The following PAXIP1 variants were observed in gnomAD, a reference collection of about 807,000 sequenced individuals.
PAXIP1 encodes PAX-interacting protein 1.
A neutral mutation model predicts 140.6 loss-of-function variants in PAXIP1; 19 were observed. The observed-to-expected ratio is 0.14, with a 90% CI of 0.09 to 0.20. The LOEUF is 0.20. PAXIP1 is among the 10% of genes least tolerant of loss of function. PAXIP1 has a pLI of 1.00. For synonymous variants in PAXIP1, 442 were observed against 444.6 expected, an observed-to-expected ratio of 0.99 and a Z score of 0.07; for missense variants, 920 against 1,208.6, an observed-to-expected ratio of 0.76 and a Z score of 3.54.
chr7:154,998,463 G>A (rs1354636822), intron 2 of PAXIP1, among the ~76,000 whole-genome samples, 187 bp downstream of exon 2: 6 of 152,122 alleles, frequency 3.9e-5, no homozygotes, highest in South Asian at 2.1e-4. Flanking sequence ...AGCTGAGATC[G>A]TGCCATTGCA....
At chr7:154,984,812 T>C (rs1001219605) in intron 4 of PAXIP1, among the ~76,000 whole-genome samples, 3 of 152,220 alleles carry the variant, frequency 2.0e-5, no homozygotes, top group African/African-American at 4.8e-5. Context: ...AATCTAGATA[T>C]GCCTTTATTA....
chr7:154,996,808 A>G (rs1295058371), intron 2 of PAXIP1, among the ~76,000 whole-genome samples: 1 of 152,172 alleles, frequency 6.6e-6, no homozygotes, highest in Non-Finnish European at 1.5e-5. Context: ...ATTTCTGGAT[A>G]ATAAGGGGAG....
intron 16 of PAXIP1, among the ~76,000 whole-genome samples, chr7:154,952,823 G>A (rs1157140916): frequency 6.6e-6 from 1 of 152,140 alleles, no homozygotes; most frequent in Admixed American, 6.5e-5. Flanking sequence ...TCATAGTTGA[G>A]GATTTAGTCT....
Position 154,963,774 on chromosome 7 carries a change from C to G in PAXIP1, c.1894-8G>C. 6.2e-7 allele frequency: 1 copy of G among 1,602,992 alleles called. No individual in the cohort carries two copies. Among genetic ancestry groups the G allele is most frequent in the South Asian group, 1.1e-5 (1 of 90,168 alleles). On this transcript the variant is annotated splice_region_variant and splice_polypyrimidine_tract_variant and intron_variant, in intron 8 of 20. Transcript: ENST00000404141. The surrounding 1 kb of genome is among the most constrained non-coding windows in gnomAD (Gnocchi z 4.1). Reference sequence around the variant, plus strand: ...GCCATGTGCCTGGATTATCTACACACAAAGACCCGACCAATGCAGTCATCA... The same window carrying G: ...GCCATGTGCCTGGATTATCTACACAGAAAGACCCGACCAATGCAGTCATCA...
chr7:154,968,004 T>C, intron 7 of PAXIP1, 94 bp from the exon 8 acceptor site: 1 of 752,572 alleles, frequency 1.3e-6, no homozygotes, highest in Non-Finnish European at 2.2e-6. Context: ...GTCAATCTGT[T>C]ATGTTTATCA....
intron 5 of PAXIP1, among the ~76,000 whole-genome samples, 168 bp from the exon 6 acceptor site, chr7:154,976,499 T>C (rs73728522): frequency 0.024 from 3,594 of 152,302 alleles, 140 homozygotes; most frequent in African/African-American, 0.082. Context: ...ACAGAGGACA[T>C]GAGGCAAAAG....
In PAXIP1 at chr7:154,963,842, C is replaced by T; in HGVS notation, c.1894-76G>A. On this transcript the variant is annotated intron_variant, in intron 8 of 20. Transcript: ENST00000404141. The surrounding 1 kb of genome is among the most constrained non-coding windows in gnomAD (Gnocchi z 4.1). ...AGAATTCCAATTTCAAATAAGGCAG[C>T]TATTAAAAGACTCTATCATATATTT... 1 of 918,684 alleles carries T rather than the reference C, an allele frequency of 1.1e-6. No individual in the cohort carries two copies. Among genetic ancestry groups the T allele is most frequent in the Admixed American group, 2.0e-5 (1 of 50,458 alleles). 56.9% of individuals were successfully genotyped at this position (918,684 alleles called of 1,614,324 possible). A position where few individuals can be genotyped will look rare whatever the true frequency, so the allele number is the denominator to read the frequency against.
Position 154,977,944 on chromosome 7 carries a change from G to A in PAXIP1, c.439-1613C>T, listed in dbSNP as rs181125078. Among the ~76,000 whole-genome samples, 257 of 122,942 alleles carry A rather than the reference G, an allele frequency of 2.1e-3. 3 individuals are homozygous for A. Among genetic ancestry groups the A allele is most frequent in the African/African-American group, 6.9e-3 (228 of 33,030 alleles). 80.7% of individuals were successfully genotyped at this position (122,942 alleles called of 152,430 possible). ...ACCAAACTTTTTAATGTACATTTTC[G>A]AACGCAGACCAAACTTTTTAATGTA... On this transcript the variant is annotated intron_variant, in intron 5 of 20. Coordinates refer to ENST00000404141, the MANE Select transcript of PAXIP1 (RefSeq NM_007349.4).
At chr7:154,984,999 G>C (rs918798136) in intron 4 of PAXIP1, among the ~76,000 whole-genome samples, 2 of 152,076 alleles carry the variant, frequency 1.3e-5, no homozygotes, top group Admixed American at 6.5e-5. Context: ...TTAATACGAC[G>C]CCTCCAATAA....
chr7:154,953,552 G>A (rs1808375250), intron 16 of PAXIP1, among the ~76,000 whole-genome samples: 1 of 152,100 alleles, frequency 6.6e-6, no homozygotes, highest in Non-Finnish European at 1.5e-5. Context: ...AAGCTGAGAG[G>A]TGCCTGACCT....
At chr7:154,999,272 AC>A (rs1810778969) in intron 1 of PAXIP1, among the ~76,000 whole-genome samples, 1 of 152,242 alleles carries the variant, frequency 6.6e-6, no homozygotes, top group African/African-American at 2.4e-5. Flanking sequence ...TGTTGAAGGC[AC>A]TGAACAGGTG....
chr7:154,955,132 CT>C (rs1808448960), intron 15 of PAXIP1, among the ~76,000 whole-genome samples: 1 of 152,112 alleles, frequency 6.6e-6, no homozygotes, highest in Non-Finnish European at 1.5e-5. Flanking sequence ...ACACAAACTC[CT>C]TTTTGGCCTC....
Position 154,991,080 on chromosome 7 carries a change from G to C in PAXIP1, c.261-11C>G, listed in dbSNP as rs1402046045. On this transcript the variant is annotated splice_polypyrimidine_tract_variant and intron_variant, in intron 3 of 20. Transcript: ENST00000404141. ...GAAAAACCATTTACTCTGTTTTATA[G>C]TTATTAAGATTACAATGAAATAAGA... The C allele has an allele frequency of 1.4e-6, 2 of 1,430,132 alleles. No individual in the cohort carries two copies. The highest frequency in any genetic ancestry group is 1.9e-6 in the Non-Finnish European group (2 of 1,050,512). The allele number at this position is 1,430,132 out of a possible 1,614,324, so 88.6% of individuals were successfully genotyped here.
intron 1 of PAXIP1, chr7:155,000,168 T>A (rs1429795229): frequency 2.0e-5 from 3 of 151,984 alleles, no homozygotes; most frequent in Non-Finnish European, 4.4e-5. Flanking sequence ...CAAAAAAAAA[T>A]AAAGTCACCC....
chr7:154,971,588 C>T (rs1379679161), intron 6 of PAXIP1, among the ~76,000 whole-genome samples: 4 of 152,164 alleles, frequency 2.6e-5, no homozygotes, highest in African/African-American at 4.8e-5. Context: ...TCCTGGAGAA[C>T]GTAAGAAAAA....
chr7:154,958,669 G>A (rs11760897), intron 13 of PAXIP1, among the ~76,000 whole-genome samples: 34,566 of 152,080 alleles, frequency 0.23, 4,660 homozygotes, highest in Admixed American at 0.34. Flanking sequence ...CAAATGGTGG[G>A]ATAGGCAAAA....
In PAXIP1 at chr7:154,993,745, G is replaced by T; in HGVS notation, c.241C>A (p.Gln81Lys). ...GGATACGGCAGAAGAGTTCCACACT[G>T]AACGGACAGAATCACCCAAGAAGGC... Reference protein sequence around the residue: ...VKPSWVILSVQCGTLLPVNGF... With the variant: ...VKPSWVILSVKCGTLLPVNGF... Residue 81 changes from glutamine to lysine, a missense_variant, in exon 3 of 21, where the codon CAG becomes AAG. By Grantham distance (53) the Gln-to-Lys change is moderately conservative. This residue lies in a region of PAXIP1 where 419 missense variants were observed against 514.7 expected (regional missense o/e 0.81). Transcript: ENST00000404141. 2 of 1,592,252 alleles carry T rather than the reference G, an allele frequency of 1.3e-6. No homozygotes were observed. Among genetic ancestry groups the T allele is most frequent in the South Asian group, 1.1e-5 (1 of 86,990 alleles).
chr7:154,990,341 G>A (rs1490368357), intron 4 of PAXIP1, among the ~76,000 whole-genome samples: 6 of 152,026 alleles, frequency 3.9e-5, no homozygotes, highest in African/African-American at 1.4e-4. Flanking sequence ...ATGCCCGGCC[G>A]ACTTGGGATA....
chr7:154,946,993 A>G lies in PAXIP1; in HGVS notation c.2923-180T>C. ...GTGGAAGAGGAATCCAGCTATGTAAATTTGGAATGTAAGCATTTTCACATG... is the reference window on the plus strand; with the variant it reads ...GTGGAAGAGGAATCCAGCTATGTAAGTTTGGAATGTAAGCATTTTCACATG... On this transcript the variant is annotated intron_variant, in intron 17 of 20. Transcript: ENST00000404141. This position sits in a 1 kb window ranked among gnomAD's most constrained non-coding sequence, Gnocchi z 4.9. The G allele has an allele frequency of 3.9e-6, 2 of 507,610 alleles. No individual in the cohort carries two copies. The highest frequency in any genetic ancestry group is 3.1e-5 in the South Asian group (1 of 32,476). 31.4% of individuals were successfully genotyped at this position (507,610 alleles called of 1,614,324 possible). A position where few individuals can be genotyped will look rare whatever the true frequency, so the allele number is the denominator to read the frequency against.
Sources: allele counts gnomAD v4.1 joint callset (sites outside exome capture counted in the v4.1 genomes callset), GRCh38; gene constraint gnomAD v4.1.1; regional missense constraint gnomAD v4.1.1; non-coding constraint Gnocchi (gnomAD v3.1); transcripts MANE v1.5; gene names NCBI Gene and HGNC (gene_info 2026-07-23, HGNC 2026-07-21).